Variants in RANBP1 observed in about 807,000 individuals in gnomAD.
RANBP1 encodes ran-specific GTPase-activating protein.
A neutral mutation model predicts 31.4 loss-of-function variants in RANBP1; 16 were observed. That is an observed-to-expected ratio of 0.51 (90% CI 0.34 to 0.77). The LOEUF is 0.77. RANBP1 is among the 30% of genes least tolerant of loss of function. The pLI is 0.01. For synonymous variants in RANBP1, 129 were observed against 140.5 expected, an observed-to-expected ratio of 0.92 and a Z score of 0.58; for missense variants, 265 against 362.0, an observed-to-expected ratio of 0.73 and a Z score of 2.17.
chr22:20,120,559 G>A (rs1318162793), intron 2 of RANBP1, among the ~76,000 whole-genome samples: 13 of 152,238 alleles, frequency 8.5e-5, no homozygotes, highest in Admixed American at 6.5e-4. Flanking sequence ...GAGCAGAGTC[G>A]TCTGAGAGAG....
At chr22:20,122,601 A>G in intron 3 of RANBP1, 180 bp downstream of exon 3, 1 of 1,531,562 alleles carries the variant, frequency 6.5e-7, no homozygotes, top group Non-Finnish European at 8.8e-7. Context: ...AACTCAGAGC[A>G]GGCCCGCAGC....
chr22:20,116,630 G>A, intron 1 of RANBP1, 200 bp downstream of exon 1: 1 of 1,521,152 alleles, frequency 6.6e-7, no homozygotes, highest in Non-Finnish European at 8.8e-7. Flanking sequence ...GGGACAGATG[G>A]GGTGCTAGGG....
In RANBP1 at chr22:20,122,421, A is replaced by G. The variant is rs368169084; in HGVS notation, c.541A>G (p.Ile181Val). 33 of 1,611,648 alleles carry G rather than the reference A, an allele frequency of 2.0e-5. No individual in the cohort carries two copies. The highest frequency in any genetic ancestry group is 2.5e-5 in the Non-Finnish European group (30 of 1,179,000). ...KTLKICANHY[I>V]TPMMELKPNA... ...CCTGAAGATCTGTGCCAACCACTAC[A>G]GTAGGTGGCATGAACGACCACCTCG... The change falls in exon 3 of 6, where the codon ATC (isoleucine) becomes GTC (valine). Residue 181 changes from isoleucine (I) to valine (V), a missense_variant and splice_region_variant. Ile to Val is a conservative substitution (Grantham distance 29). Coordinates refer to ENST00000430524, the MANE Select transcript of RANBP1 (RefSeq NM_001278639.2).
chr22:20,116,824 C>G, intron 1 of RANBP1: 1 of 1,410,944 alleles, frequency 7.1e-7, no homozygotes, highest in Admixed American at 1.9e-5. Flanking sequence ...GGTTTCCTGA[C>G]CCACCCCGCC....
At chr22:20,118,950 G>C (rs897915054) in intron 1 of RANBP1, 63 bp from the exon 2 acceptor site, 5 of 1,562,090 alleles carry the variant, frequency 3.2e-6, no homozygotes, top group African/African-American at 1.4e-5. Flanking sequence ...GCAGGCACTG[G>C]TTGGGCTCTG....
At chr22:20,116,645 G>A (rs768018207) in intron 1 of RANBP1, 4 of 1,518,192 alleles carry the variant, frequency 2.6e-6, no homozygotes, top group Non-Finnish European at 3.5e-6. Flanking sequence ...CTAGGGTGAG[G>A]ACTAGGCCCT....
At chr22:20,117,575 C>T (rs1024997125) in intron 1 of RANBP1, 5 of 1,410,022 alleles carry the variant, frequency 3.5e-6, no homozygotes, top group East Asian at 3.3e-5. Context: ...AGGGAAGGAG[C>T]TACGAGTAGC....
intron 1 of RANBP1, chr22:20,116,907 C>A: frequency 6.3e-7 from 1 of 1,581,566 alleles, no homozygotes; most frequent in African/African-American, 1.4e-5. Context: ...TCTCACTCAT[C>A]GCCCAGGCGG....
chr22:20,116,181 G>A lies in RANBP1; in HGVS notation c.-4G>A, dbSNP rs2050011295. 6.2e-7 allele frequency: 1 copy of A among 1,612,958 alleles called. No homozygotes were observed. Among genetic ancestry groups the A allele is most frequent in the Non-Finnish European group, 8.5e-7 (1 of 1,179,968 alleles). On this transcript the variant is annotated 5_prime_UTR_variant, in exon 1 of 6. Transcript: ENST00000430524. ...TCTCACCCTCCTGTCGCCTCCTCCT[G>A]GCCATGGGGTCGGCCTTGGGCCGGG... is the stretch of plus-strand genomic sequence containing the variant.
chr22:20,117,327 G>T, intron 1 of RANBP1: 1 of 1,100,972 alleles, frequency 9.1e-7, no homozygotes. Flanking sequence ...AAGTGCGCGC[G>T]GGTGTCGCCG....
At chr22:20,117,906 C>T (rs2050078762) in intron 1 of RANBP1, 2 of 1,017,328 alleles carry the variant, frequency 2.0e-6, no homozygotes, top group Non-Finnish European at 2.3e-6. Context: ...CCCCGCGTGA[C>T]CTTGGGGTGG....
chr22:20,126,929 C>CA, intron 5 of RANBP1, 23 bp from the exon 6 acceptor site: 1 of 1,609,216 alleles, frequency 6.2e-7, no homozygotes. Flanking sequence ...TCTGTTTTCT[C>CA]ACTGTGCTGC....
chr22:20,119,797 C>T (rs1019475402), intron 2 of RANBP1, among the ~76,000 whole-genome samples: 5 of 152,186 alleles, frequency 3.3e-5, no homozygotes, highest in Admixed American at 2.0e-4. Flanking sequence ...TTACAGGCGT[C>T]AGCTACCGCG....
intron 1 of RANBP1, chr22:20,117,920 G>C (rs1471481217): frequency 2.0e-6 from 2 of 1,015,042 alleles, no homozygotes; most frequent in Non-Finnish European, 2.4e-6. Context: ...GGGGTGGGTT[G>C]GGGAGCGGCC....
At chr22:20,126,824 C>A in intron 5 of RANBP1, 128 bp from the exon 6 acceptor site, 4 of 1,380,682 alleles carry the variant, frequency 2.9e-6, no homozygotes, top group Admixed American at 2.1e-5. Flanking sequence ...CTTGGCCAGG[C>A]AGGAGTCTGT....
intron 1 of RANBP1, chr22:20,116,751 A>G: frequency 1.6e-6 from 2 of 1,278,856 alleles, no homozygotes; most frequent in African/African-American, 1.5e-5. Context: ...TACCCTCCCG[A>G]CCCCATTCCC....
At position 20,116,322 on chromosome 22, in the gene RANBP1, G is replaced by T. The variant is rs41281431; in HGVS notation, c.138G>T (p.Lys46Asn). The T allele has an allele frequency of 1.2e-6, 2 of 1,612,992 alleles. No individual in the cohort carries two copies. Among genetic ancestry groups the T allele is most frequent in the Non-Finnish European group, 1.7e-6 (2 of 1,180,026 alleles). Residue 46 changes from lysine (K) to asparagine (N), a missense_variant, in exon 1 of 6, where the codon AAG becomes AAT. This residue lies in a region of RANBP1 where 126 missense variants were observed against 123.6 expected (regional missense o/e 1.02). Transcript: ENST00000430524. ...NVTKAQGGCP[K>N]SLVLWGCRPK... is the part of the protein sequence containing the mutation. ...CAAAGGCGCAGGGTGGTTGCCCAAA[G>T]AGTTTGGTTTTGTGGGGCTGCAGAC...
intron 1 of RANBP1, chr22:20,118,163 T>G: frequency 2.0e-6 from 2 of 1,001,694 alleles, no homozygotes; most frequent in Non-Finnish European, 2.4e-6. Context: ...GCGGCGGCTT[T>G]GTTGGCTGCG....
At chr22:20,118,378 G>A (rs2050095276) in intron 1 of RANBP1, 7 of 994,150 alleles carry the variant, frequency 7.0e-6, no homozygotes, top group South Asian at 4.7e-5. Context: ...CTCTAAATTG[G>A]GCCAGGATTT....
Sources: allele counts gnomAD v4.1 joint callset (sites outside exome capture counted in the v4.1 genomes callset), GRCh38; gene constraint gnomAD v4.1.1; regional missense constraint gnomAD v4.1.1; transcripts MANE v1.5; gene names NCBI Gene and HGNC (gene_info 2026-07-23, HGNC 2026-07-21).